SNX14: variants seen among roughly 807,000 people sequenced by gnomAD.
The protein encoded by SNX14 is sorting nexin-14.
A neutral mutation model predicts 133.8 loss-of-function variants in SNX14; 93 were observed. The observed-to-expected ratio is 0.70, with a 90% CI of 0.59 to 0.83. SNX14 has a LOEUF of 0.83. Ranked by LOEUF, SNX14 falls within the 40% of genes least tolerant of loss-of-function variation. The pLI is 0.00. For missense variants in SNX14, 945 were observed against 1,094.9 expected (o/e 0.86, Z 1.93); for synonymous variants, 368 against 365.6 (o/e 1.01, Z -0.07).
intron 7 of SNX14, among the ~76,000 whole-genome samples, chr6:85,555,868 A>G (rs1223034042): frequency 2.0e-5 from 3 of 152,012 alleles, no homozygotes; most frequent in Non-Finnish European, 4.4e-5. Flanking sequence ...CATGCCTGTA[A>G]TCCCAGCTAC....
chr6:85,562,661 CT>C (rs1239275530), intron 6 of SNX14, among the ~76,000 whole-genome samples: 12 of 132,752 alleles, frequency 9.0e-5, no homozygotes, highest in Non-Finnish European at 1.5e-4. Flanking sequence ...GTGATCTCGG[CT>C]CACTGTAACT....
At chr6:85,557,385 A>G (rs935779434) in intron 7 of SNX14, among the ~76,000 whole-genome samples, 4 of 152,226 alleles carry the variant, frequency 2.6e-5, no homozygotes, top group African/African-American at 9.6e-5. Flanking sequence ...GAAAGGAGGA[A>G]AGGAAAGAAG....
chr6:85,564,298 G>T (rs1344217690), intron 6 of SNX14, among the ~76,000 whole-genome samples: 3 of 152,140 alleles, frequency 2.0e-5, no homozygotes, highest in African/African-American at 7.2e-5. Flanking sequence ...GTAATGGGAT[G>T]GCTGGGTCAA....
At chr6:85,591,003 T>C (rs1011664411) in intron 1 of SNX14, among the ~76,000 whole-genome samples, 1 of 152,214 alleles carries the variant, frequency 6.6e-6, no homozygotes, top group African/African-American at 2.4e-5. Flanking sequence ...TTCTTGGGAG[T>C]ACTCCCAGTA....
chr6:85,547,614 A>C, intron 9 of SNX14, 64 bp from the exon 10 acceptor site: 1 of 1,311,368 alleles, frequency 7.6e-7, no homozygotes, highest in Non-Finnish European at 1.0e-6. Flanking sequence ...CAGAATTCTC[A>C]TAACTTGTAT....
At chr6:85,515,281 A>AC in intron 23 of SNX14, among the ~76,000 whole-genome samples, 1 of 149,970 alleles carries the variant, frequency 6.7e-6, no homozygotes, top group African/African-American at 2.4e-5. Flanking sequence ...AAAAAAAAAA[A>AC]AAAAAACACT....
At chr6:85,522,168 T>G (rs1340663822) in intron 21 of SNX14, among the ~76,000 whole-genome samples, 4 of 152,244 alleles carry the variant, frequency 2.6e-5, no homozygotes, top group Non-Finnish European at 5.9e-5. Flanking sequence ...AATGTCCCAG[T>G]AGCATTTCTT....
At chr6:85,566,390 AT>A (rs547225234) in intron 5 of SNX14, among the ~76,000 whole-genome samples, 288 of 146,284 alleles carry the variant, frequency 2.0e-3, no homozygotes, top group Middle Eastern at 3.5e-3. Flanking sequence ...AACTAGTAGC[AT>A]TTTTTTTTTT....
At chr6:85,524,941 T>C (rs1437895492) in intron 21 of SNX14, among the ~76,000 whole-genome samples, 2 of 152,330 alleles carry the variant, frequency 1.3e-5, no homozygotes, top group East Asian at 3.9e-4. Context: ...TCCTTTGTTA[T>C]ATTTCTATTT....
chr6:85,593,254 T>C (rs1366247548), intron 1 of SNX14, among the ~76,000 whole-genome samples: 1 of 152,192 alleles, frequency 6.6e-6, no homozygotes. Context: ...TGACTGCCTG[T>C]GTACAGTCTC....
chr6:85,506,251 A>G (rs1770618294), intron 28 of SNX14, among the ~76,000 whole-genome samples: 1 of 152,190 alleles, frequency 6.6e-6, no homozygotes, highest in African/African-American at 2.4e-5. Context: ...TTCCCATGAA[A>G]ATTAAAGATA....
chr6:85,579,302 G>A (rs1798322480), intron 1 of SNX14, among the ~76,000 whole-genome samples: 1 of 152,006 alleles, frequency 6.6e-6, no homozygotes, highest in South Asian at 2.1e-4. Flanking sequence ...TGACAGCCAA[G>A]CAAAAAGCAA....
At chr6:85,572,896 C>T (rs1325593155) in intron 2 of SNX14, among the ~76,000 whole-genome samples, 2 of 152,152 alleles carry the variant, frequency 1.3e-5, no homozygotes, top group African/African-American at 2.4e-5. Context: ...GAGTTTGAGG[C>T]TGCAGTAAGC....
At chr6:85,582,383 A>C (rs551093935) in intron 1 of SNX14, among the ~76,000 whole-genome samples, 1 of 152,290 alleles carries the variant, frequency 6.6e-6, no homozygotes, top group East Asian at 1.9e-4. Context: ...ATCTGAAAGA[A>C]AAAGGAAAAA....
intron 6 of SNX14, among the ~76,000 whole-genome samples, chr6:85,558,918 T>C (rs987756046): frequency 6.9e-6 from 1 of 145,326 alleles, no homozygotes. Context: ...AGGGCTTATA[T>C]GCACATGCAG....
chr6:85,506,335 T>C (rs1291057815), intron 28 of SNX14, among the ~76,000 whole-genome samples: 1 of 150,120 alleles, frequency 6.7e-6, no homozygotes, highest in Non-Finnish European at 1.5e-5. Flanking sequence ...TTTTTTTTTT[T>C]AGATGGAGTC....
rs114753731 is a variant in SNX14 at position 85,528,831 on chromosome 6, C to T, written c.1895-469G>A. Among the ~76,000 whole-genome samples, 1,454 of 152,200 alleles carry T rather than the reference C, an allele frequency of 9.6e-3. 26 individuals are homozygous for T. The highest frequency in any genetic ancestry group is 0.033 in the African/African-American group (1,380 of 41,504). On this transcript the variant is annotated intron_variant, in intron 19 of 28. Coordinates refer to ENST00000314673, the MANE Select transcript of SNX14 (RefSeq NM_153816.6). Reference sequence around the variant, plus strand: ...CAGCACTTTGAGAGGCCACAGCGAGCAGATCACTTGAGGTCAGAAGTTCAA... The same window carrying T: ...CAGCACTTTGAGAGGCCACAGCGAGTAGATCACTTGAGGTCAGAAGTTCAA...
rs76356932 is a variant in SNX14, at chr6:85,572,560, A to AAAATACC, written c.262-193_262-187dup. On this transcript the variant is annotated intron_variant, in intron 2 of 28. Coordinates refer to ENST00000314673, the MANE Select transcript of SNX14 (RefSeq NM_153816.6). ...TGGCTAAACTAAACCATCAGAGAAA[A>AAAATACC]AAATACCACATGAAATGCCTTATAA... 0.46 allele frequency among the ~76,000 whole-genome samples: 69,809 copies of AAAATACC among 151,458 alleles called. 17,418 individuals carry two copies. Among genetic ancestry groups the AAAATACC allele is most frequent in the Middle Eastern group, 0.59 (172 of 292 alleles).
chr6:85,587,350 C>T (rs982123074), intron 1 of SNX14, among the ~76,000 whole-genome samples: 26 of 151,982 alleles, frequency 1.7e-4, no homozygotes, highest in African/African-American at 6.0e-4. Flanking sequence ...CAAGACAGAT[C>T]AAGGATACAA....
Sources: allele counts gnomAD v4.1 joint callset (sites outside exome capture counted in the v4.1 genomes callset), GRCh38; gene constraint gnomAD v4.1.1; transcripts MANE v1.5; gene names NCBI Gene and HGNC (gene_info 2026-07-23, HGNC 2026-07-21).